ATP1A1: variants seen among roughly 807,000 people sequenced by gnomAD.
The protein encoded by ATP1A1 is ATPase Na+/K+ transporting subunit alpha 1.
Under a neutral mutation model 114.8 loss-of-function variants are expected in ATP1A1, and 14 were observed. The observed-to-expected ratio is 0.12, with a 90% CI of 0.08 to 0.19. The LOEUF is 0.19. Ranked by LOEUF, ATP1A1 falls within the 10% of genes least tolerant of loss-of-function variation. ATP1A1 has a pLI of 1.00. For synonymous variants in ATP1A1, 471 were observed against 466.3 expected (o/e 1.01, Z -0.13); for missense variants, 524 against 1,290.7 (o/e 0.41, Z 9.10).
At chr1:116,377,114 T>C (rs2101030073) in intron 1 of ATP1A1, among the ~76,000 whole-genome samples, 1 of 152,340 alleles carries the variant, frequency 6.6e-6, no homozygotes, top group East Asian at 1.9e-4. Flanking sequence ...TTTTGTATGG[T>C]AAAGTAAAAT....
In ATP1A1 at chr1:116,389,799, T is replaced by C. The variant is rs989351135; in HGVS notation, c.1023+92T>C. ...CCTATTCTAAGGTATTGCCAACTTA[T>C]GTTTTATTCTGGATGTTTGATATAG... On this transcript the variant is annotated intron_variant, in intron 8 of 22. Coordinates refer to ENST00000295598, the MANE Select transcript of ATP1A1 (RefSeq NM_000701.8). The surrounding 1 kb of genome is among the most constrained non-coding windows in gnomAD (Gnocchi z 6.9). 1.7e-5 allele frequency: 26 copies of C among 1,510,384 alleles called. No individual in the cohort carries two copies. The Middle Eastern group carries it at 5.5e-4, about 32-fold the overall frequency. The allele number at this position is 1,510,384 out of a possible 1,614,324, so 93.6% of individuals were successfully genotyped here.
At position 116,381,023 on chromosome 1, in the gene ATP1A1, A is replaced by G. The variant is rs1252677987; in HGVS notation, c.13-2991A>G. ...GTTTCCATTGTACCTTTCCTCAGAG[A>G]TGCTCAAAGGGGCGGGGGTGCCCTT... On this transcript the variant is annotated intron_variant, in intron 1 of 22. Coordinates refer to ENST00000295598, the MANE Select transcript of ATP1A1 (RefSeq NM_000701.8). The surrounding 1 kb of genome is among the most constrained non-coding windows in gnomAD (Gnocchi z 5.1). Among the ~76,000 whole-genome samples, 1 of 152,084 alleles carries G rather than the reference A, an allele frequency of 6.6e-6. No individual in the cohort carries two copies. The highest frequency in any genetic ancestry group is 1.5e-5 in the Non-Finnish European group (1 of 68,024).
chr1:116,388,232 C>T lies in ATP1A1; in HGVS notation c.489C>T (p.Asn163=), dbSNP rs1652224544. The T allele has an allele frequency of 1.1e-5, 18 of 1,611,974 alleles. No homozygotes were observed. The highest frequency in any genetic ancestry group is 2.2e-5 in the East Asian group (1 of 44,876). ...CAAAGATCATGGAATCCTTCAAAAA[C>T]ATGGTCCCTCAGGTACCAGACGCTT... is the stretch of plus-strand genomic sequence containing the variant. The part of the protein sequence containing the change: ...KSSKIMESFK[N]MVPQQALVIR... Residue 163 remains asparagine (N), a synonymous_variant, in exon 5 of 23, where the codon AAC becomes AAT. Transcript: ENST00000295598. This position sits in a 1 kb window ranked among gnomAD's most constrained non-coding sequence, Gnocchi z 5.6.
intron 1 of ATP1A1, among the ~76,000 whole-genome samples, chr1:116,382,057 C>A (rs1292773332): frequency 6.6e-6 from 1 of 152,124 alleles, no homozygotes; most frequent in Non-Finnish European, 1.5e-5. Flanking sequence ...CGCCTATAAT[C>A]CCAGCTACTC....
rs541839977 is a variant in ATP1A1, at chr1:116,395,640, G to C, written c.1836+355G>C. ...TGTTTTCAGTTAACTGTTTGTTAAT[G>C]AGTGTTTGGTGTCCTCTGTGTATCT... On this transcript the variant is annotated intron_variant, in intron 13 of 22. Transcript: ENST00000295598. The surrounding 1 kb of genome is among the most constrained non-coding windows in gnomAD (Gnocchi z 6.4). Among the ~76,000 whole-genome samples the C allele has an allele frequency of 1.3e-5, 2 of 152,328 alleles. No individual in the cohort carries two copies. The highest frequency in any genetic ancestry group is 4.8e-5 in the African/African-American group (2 of 41,570).
chr1:116,401,704 G>A lies in ATP1A1; in HGVS notation c.2951+49G>A. The stretch of plus-strand genomic sequence containing the variant: ...CAAAAAGTATGAAATAGTATGTGTG[G>A]CTTTTCCCCCCATTACTTGTGGTAA... On this transcript the variant is annotated intron_variant, in intron 21 of 22. Transcript: ENST00000295598. The surrounding 1 kb of genome is among the most constrained non-coding windows in gnomAD (Gnocchi z 4.7). 3 of 1,551,372 alleles carry A rather than the reference G, an allele frequency of 1.9e-6. No individual in the cohort carries two copies. Among genetic ancestry groups the A allele is most frequent in the Non-Finnish European group, 2.7e-6 (3 of 1,127,024 alleles).
In ATP1A1 at chr1:116,384,909, AC is replaced by A; in HGVS notation, c.183+68del. ...TCCGTATTATATTTTCCCCTGTATT[AC>A]ATACAGGTCTAACCTCAGGGGCTCT... On this transcript the variant is annotated intron_variant, in intron 3 of 22. Coordinates refer to ENST00000295598, the MANE Select transcript of ATP1A1 (RefSeq NM_000701.8). This position sits in a 1 kb window ranked among gnomAD's most constrained non-coding sequence, Gnocchi z 5.1. The A allele has an allele frequency of 2.0e-6, 3 of 1,473,340 alleles. No homozygotes were observed. Among genetic ancestry groups the A allele is most frequent in the Non-Finnish European group, 2.9e-6 (3 of 1,052,456 alleles). 91.3% of individuals were successfully genotyped at this position (1,473,340 alleles called of 1,614,324 possible).
In ATP1A1 at chr1:116,403,895, G is replaced by A; in HGVS notation, c.2963G>A (p.Trp988Ter). The A allele has an allele frequency of 6.2e-7, 1 of 1,614,024 alleles. No homozygotes were observed. The highest frequency in any genetic ancestry group is 8.5e-7 in the Non-Finnish European group (1 of 1,179,906). Residue 988 changes from tryptophan to a stop codon, truncating the protein, a stop_gained, in exon 22 of 23, where the codon TGG becomes TAG. Transcript: ENST00000295598. LOFTEE classifies it high-confidence loss of function. ...TACTCTATTTCCAGACCTACCTGGT[G>A]GTTCTGTGCCTTCCCCTACTCTCTT... ...LRMYPLKPTW[W>*]FCAFPYSLLI...
Position 116,397,121 on chromosome 1 carries a change from C to A in ATP1A1, c.1973+387C>A, listed in dbSNP as rs566949029. Among the ~76,000 whole-genome samples the A allele has an allele frequency of 2.0e-5, 3 of 152,284 alleles. No individual in the cohort carries two copies. Among genetic ancestry groups the A allele is most frequent in the Non-Finnish European group, 4.4e-5 (3 of 68,026 alleles). ...CTAGCACCTAGCATCTTGACACTTTCCAGGTCCACACTAACAAAATAAAAT... is the reference window on the plus strand; with the variant it reads ...CTAGCACCTAGCATCTTGACACTTTACAGGTCCACACTAACAAAATAAAAT... On this transcript the variant is annotated intron_variant, in intron 14 of 22. Coordinates refer to ENST00000295598, the MANE Select transcript of ATP1A1 (RefSeq NM_000701.8). The surrounding 1 kb of genome is among the most constrained non-coding windows in gnomAD (Gnocchi z 4.2).
chr1:116,382,670 A>T (rs1340053525), intron 1 of ATP1A1: 1 of 151,094 alleles, frequency 6.6e-6, no homozygotes, highest in Non-Finnish European at 1.5e-5. Context: ...TTAAGAGGAT[A>T]TTTTTAAATT....
Position 116,381,527 on chromosome 1 carries a change from G to A in ATP1A1, c.13-2487G>A, listed in dbSNP as rs1651743327. On this transcript the variant is annotated intron_variant, in intron 1 of 22. Coordinates refer to ENST00000295598, the MANE Select transcript of ATP1A1 (RefSeq NM_000701.8). The surrounding 1 kb of genome is among the most constrained non-coding windows in gnomAD (Gnocchi z 5.1). ...AAAGCAGTTTTACTTGTTAATACTT[G>A]CCATGTGTCTCACCCACAAATAGCC... Among the ~76,000 whole-genome samples the A allele has an allele frequency of 1.3e-5, 2 of 152,214 alleles. No individual in the cohort carries two copies. The highest frequency in any genetic ancestry group is 1.3e-4 in the Admixed American group (2 of 15,286).
At chr1:116,378,304 G>C (rs144043257) in intron 1 of ATP1A1, among the ~76,000 whole-genome samples, 25 of 152,292 alleles carry the variant, frequency 1.6e-4, no homozygotes, top group African/African-American at 5.5e-4. Context: ...TCTGGTTTTA[G>C]ACCTCACTTA....
rs546912379 is a variant in ATP1A1 at position 116,395,828 on chromosome 1, T to C, written c.1836+543T>C. Among the ~76,000 whole-genome samples, 1 of 152,324 alleles carries C rather than the reference T, an allele frequency of 6.6e-6. No individual in the cohort carries two copies. The highest frequency in any genetic ancestry group is 1.5e-5 in the Non-Finnish European group (1 of 68,022). ...ATGTCATAGCACGATCTCGGCTCAC[T>C]GCAACCTCCGCCTCCCAGGTTCAAG... On this transcript the variant is annotated intron_variant, in intron 13 of 22. Transcript: ENST00000295598. The surrounding 1 kb of genome is among the most constrained non-coding windows in gnomAD (Gnocchi z 6.4).
Position 116,395,765 on chromosome 1 carries a change from T to C in ATP1A1, c.1836+480T>C, listed in dbSNP as rs1200482562. Among the ~76,000 whole-genome samples the C allele has an allele frequency of 1.3e-5, 2 of 152,146 alleles. No homozygotes were observed. Among genetic ancestry groups the C allele is most frequent in the Non-Finnish European group, 2.9e-5 (2 of 68,018 alleles). ...ACTCTCAGGATTTTATTTTATTTAT[T>C]TTTTGAGACAGAGTCTTGCTCTATT... On this transcript the variant is annotated intron_variant, in intron 13 of 22. Coordinates refer to ENST00000295598, the MANE Select transcript of ATP1A1 (RefSeq NM_000701.8). This position sits in a 1 kb window ranked among gnomAD's most constrained non-coding sequence, Gnocchi z 6.4.
Position 116,395,039 on chromosome 1 carries a change from A to C in ATP1A1, c.1661-71A>C, listed in dbSNP as rs2101054683. 1 of 1,496,096 alleles carries C rather than the reference A, an allele frequency of 6.7e-7. No individual in the cohort carries two copies. The highest frequency in any genetic ancestry group is 2.3e-5 in the East Asian group (1 of 42,586). 92.7% of individuals were successfully genotyped at this position (1,496,096 alleles called of 1,614,324 possible). On this transcript the variant is annotated intron_variant, in intron 12 of 22. Coordinates refer to ENST00000295598, the MANE Select transcript of ATP1A1 (RefSeq NM_000701.8). The surrounding 1 kb of genome is among the most constrained non-coding windows in gnomAD (Gnocchi z 6.4). ...ACTCCAGAGAAAGGTAGGCGGGCTG[A>C]ATAGGCTGCTGTTGTCCTTCTTACT...
chr1:116,373,810 C>T (rs1334407817), intron 1 of ATP1A1: 8 of 991,270 alleles, frequency 8.1e-6, no homozygotes, highest in Non-Finnish European at 3.5e-6. Context: ...CCGAGCGGGC[C>T]GGGGGCTCCG....
rs1407970546 is a variant in ATP1A1 at position 116,404,019 on chromosome 1, G to A, written c.3043+44G>A. The A allele has an allele frequency of 1.3e-6, 2 of 1,572,202 alleles. No homozygotes were observed. ...ACTTTGGTTGGAGGAGGAGTGGGAGGGGCTATAGTTCTATTGGTTTTTTGT... is the reference window on the plus strand; with the variant it reads ...ACTTTGGTTGGAGGAGGAGTGGGAGAGGCTATAGTTCTATTGGTTTTTTGT... On this transcript the variant is annotated intron_variant, in intron 22 of 22. Coordinates refer to ENST00000295598, the MANE Select transcript of ATP1A1 (RefSeq NM_000701.8). This position sits in a 1 kb window ranked among gnomAD's most constrained non-coding sequence, Gnocchi z 4.8.
chr1:116,402,299 G>A lies in ATP1A1; in HGVS notation c.2951+644G>A, dbSNP rs1653555935. ...ACATTGAGTATGTTTGGTGATACCT[G>A]GTTGAGGTTAAGCAACTGCAACTTG... On this transcript the variant is annotated intron_variant, in intron 21 of 22. Coordinates refer to ENST00000295598, the MANE Select transcript of ATP1A1 (RefSeq NM_000701.8). 2.0e-5 allele frequency among the ~76,000 whole-genome samples: 3 copies of A among 152,218 alleles called. No homozygotes were observed. The South Asian group carries it at 6.2e-4, about 32-fold the overall frequency.
Position 116,389,953 on chromosome 1 carries a change from T to A in ATP1A1, c.1023+246T>A. ...TATCACGTGGTCCTGAACAGTGCAG[T>A]GGAGAAAGGAGAAGAACTTGGGATC... On this transcript the variant is annotated intron_variant, in intron 8 of 22. Coordinates refer to ENST00000295598, the MANE Select transcript of ATP1A1 (RefSeq NM_000701.8). The surrounding 1 kb of genome is among the most constrained non-coding windows in gnomAD (Gnocchi z 6.9). 1.5e-6 allele frequency: 1 copy of A among 678,650 alleles called. No homozygotes were observed. The highest frequency in any genetic ancestry group is 2.4e-6 in the Non-Finnish European group (1 of 410,814). The allele number at this position is 678,650 out of a possible 1,614,324, so 42.0% of individuals were successfully genotyped here. A position where few individuals can be genotyped will look rare whatever the true frequency, so the allele number is the denominator to read the frequency against.
Sources: allele counts gnomAD v4.1 joint callset (sites outside exome capture counted in the v4.1 genomes callset), GRCh38; gene constraint gnomAD v4.1.1; non-coding constraint Gnocchi (gnomAD v3.1); transcripts MANE v1.5; gene names NCBI Gene and HGNC (gene_info 2026-07-23, HGNC 2026-07-21).